Variants in NOTCH2NLC observed in about 807,000 individuals in gnomAD.
The protein encoded by NOTCH2NLC is notch 2 N-terminal like C.
A neutral mutation model predicts 17.7 loss-of-function variants in NOTCH2NLC; 4 were observed. That is an observed-to-expected ratio of 0.23 (90% CI 0.11 to 0.52). The LOEUF (loss-of-function observed/expected upper bound fraction) is 0.52, where lower values mean the gene tolerates loss of function less well. NOTCH2NLC is among the 20% of genes least tolerant of loss of function. The probability of loss-of-function intolerance (pLI) is 0.96; values close to 1 mark genes in which losing one functional copy is unlikely to be tolerated. For synonymous variants in NOTCH2NLC, 18 were observed against 86.0 expected (o/e 0.21, Z 4.38); for missense variants, 57 against 207.2 (o/e 0.28, Z 4.45).
intron 2 of NOTCH2NLC, among the ~76,000 whole-genome samples, chr1:149,450,147 A>G (rs1227259986): frequency 2.7e-5 from 4 of 146,510 alleles, no homozygotes; most frequent in South Asian, 4.3e-4. Context: ...CTAGGAAGGG[A>G]GGCAGAATTT....
chr1:149,435,978 G>A (rs1451746372), intron 2 of NOTCH2NLC, among the ~76,000 whole-genome samples: 16 of 147,818 alleles, frequency 1.1e-4, no homozygotes, highest in African/African-American at 2.5e-5. Flanking sequence ...ATCCCTTCTA[G>A]TTTATGCCTG....
chr1:149,420,034 T>C (rs1447382450), intron 1 of NOTCH2NLC, among the ~76,000 whole-genome samples: 2 of 141,592 alleles, frequency 1.4e-5, no homozygotes, highest in Non-Finnish European at 3.1e-5. Flanking sequence ...GCCCAGCTAA[T>C]TTTTTTTTTG....
In NOTCH2NLC at chr1:149,460,584, G is replaced by A. The variant is rs1232105490; in HGVS notation, c.470-2907G>A. 3.5e-3 allele frequency among the ~76,000 whole-genome samples: 518 copies of A among 149,952 alleles called. 13 individuals are homozygous for A. Among genetic ancestry groups the A allele is most frequent in the African/African-American group, 0.012 (494 of 40,844 alleles). ...GATCGCCTGACCTCATGATCCACCCGCCTTGGCCTCCCAAAGTGCTGGGAT... is the reference window on the plus strand; with the variant it reads ...GATCGCCTGACCTCATGATCCACCCACCTTGGCCTCCCAAAGTGCTGGGAT... On this transcript the variant is annotated intron_variant, in intron 3 of 4. Coordinates refer to ENST00000650865, the MANE Select transcript of NOTCH2NLC (RefSeq NM_001364013.2).
At chr1:149,430,892 AT>A (rs1570910954) in intron 1 of NOTCH2NLC, 49 bp from the exon 2 acceptor site, 1 of 244,956 alleles carries the variant, frequency 4.1e-6, no homozygotes, top group East Asian at 1.0e-4. Flanking sequence ...GAGGGTTATG[AT>A]TAGTGACTTA....
Position 149,470,274 on chromosome 1 carries a change from C to T in NOTCH2NLC, c.*6121C>T, listed in dbSNP as rs1194200650. Among the ~76,000 whole-genome samples, 1 of 150,994 alleles carries T rather than the reference C, an allele frequency of 6.6e-6. No individual in the cohort carries two copies. Among genetic ancestry groups the T allele is most frequent in the Non-Finnish European group, 1.5e-5 (1 of 67,556 alleles). On this transcript the variant is annotated 3_prime_UTR_variant, in exon 5 of 5. Transcript: ENST00000650865. ...TACCACTGACAAATAATAATATTAGCTAATATGTGTAAGGCACTGTGTTTA... is the reference window on the plus strand; with the variant it reads ...TACCACTGACAAATAATAATATTAGTTAATATGTGTAAGGCACTGTGTTTA...
At chr1:149,412,127 A>C (rs1302592966) in intron 1 of NOTCH2NLC, among the ~76,000 whole-genome samples, 4 of 144,848 alleles carry the variant, frequency 2.8e-5, no homozygotes, top group African/African-American at 1.0e-4. Flanking sequence ...AAAAAAAAAA[A>C]AAACAAAAAA....
chr1:149,422,425 G>A (rs1397844967), intron 1 of NOTCH2NLC, among the ~76,000 whole-genome samples: 1 of 149,840 alleles, frequency 6.7e-6, no homozygotes, highest in Non-Finnish European at 1.5e-5. Context: ...AAGTGGGAGA[G>A]AGAGAGATGA....
chr1:149,400,136 TA>T (rs1252505582), intron 1 of NOTCH2NLC, among the ~76,000 whole-genome samples: 1 of 142,302 alleles, frequency 7.0e-6, no homozygotes, highest in South Asian at 2.2e-4. Flanking sequence ...ATATATAATA[TA>T]TATTTTTTTT....
intron 2 of NOTCH2NLC, among the ~76,000 whole-genome samples, chr1:149,437,760 G>C (rs1200007139): frequency 2.6e-5 from 4 of 151,904 alleles, no homozygotes; most frequent in Non-Finnish European, 5.9e-5. Flanking sequence ...ACCACGCCCA[G>C]CTGAGGACAT....
chr1:149,426,620 G>T, intron 1 of NOTCH2NLC, among the ~76,000 whole-genome samples: 1 of 126,840 alleles, frequency 7.9e-6, no homozygotes, highest in African/African-American at 3.0e-5. Context: ...AGGAGGGCCT[G>T]CACAAACAGC....
chr1:149,454,708 T>C (rs1163895472), intron 2 of NOTCH2NLC, among the ~76,000 whole-genome samples: 3 of 151,128 alleles, frequency 2.0e-5, no homozygotes, highest in African/African-American at 7.3e-5. Flanking sequence ...CTCCTTTCCC[T>C]TTTTCTGTTG....
intron 2 of NOTCH2NLC, among the ~76,000 whole-genome samples, chr1:149,451,289 AC>A (rs2084589846): frequency 6.7e-6 from 1 of 148,814 alleles, no homozygotes; most frequent in African/African-American, 2.5e-5. Flanking sequence ...TTTTTAGAAA[AC>A]AGTTTCTAAG....
intron 1 of NOTCH2NLC, among the ~76,000 whole-genome samples, chr1:149,410,446 A>C (rs1249639765): frequency 1.4e-5 from 2 of 145,824 alleles, no homozygotes; most frequent in African/African-American, 5.0e-5. Flanking sequence ...GGTTCTATAG[A>C]AATTACTGGG....
At chr1:149,446,376 A>G (rs1212501524) in intron 2 of NOTCH2NLC, among the ~76,000 whole-genome samples, 1 of 111,796 alleles carries the variant, frequency 8.9e-6, no homozygotes, top group Non-Finnish European at 1.8e-5. Context: ...TTCTAGTTCC[A>G]TTAGGAGGAA....
intron 2 of NOTCH2NLC, among the ~76,000 whole-genome samples, chr1:149,449,066 A>T (rs1236927253): frequency 6.7e-6 from 1 of 148,452 alleles, no homozygotes; most frequent in Non-Finnish European, 1.5e-5. Context: ...TATTTTTAGT[A>T]GAGACAGGGT....
chr1:149,429,015 T>C (rs1334761045), intron 1 of NOTCH2NLC, among the ~76,000 whole-genome samples: 1 of 144,638 alleles, frequency 6.9e-6, no homozygotes, highest in Non-Finnish European at 1.5e-5. Flanking sequence ...TAACCTGACA[T>C]TAACTGTTTT....
intron 1 of NOTCH2NLC, among the ~76,000 whole-genome samples, chr1:149,394,314 G>A (rs1167589739): frequency 4.7e-5 from 7 of 150,080 alleles, no homozygotes; most frequent in Admixed American, 2.0e-4. Flanking sequence ...ACCTTCAGGT[G>A]TGTGTATGAG....
At chr1:149,424,437 T>C (rs2084400116) in intron 1 of NOTCH2NLC, among the ~76,000 whole-genome samples, 1 of 150,614 alleles carries the variant, frequency 6.6e-6, no homozygotes, top group South Asian at 2.1e-4. Context: ...TCTCATTAGA[T>C]TGTAAGGACC....
At chr1:149,460,869 T>G in intron 3 of NOTCH2NLC, among the ~76,000 whole-genome samples, 1 of 45,158 alleles carries the variant, frequency 2.2e-5, no homozygotes, top group South Asian at 7.1e-4. Context: ...CTTTCTTTCT[T>G]TCTTTCTTTC....
Sources: gnomAD v4.1 joint callset for allele counts (sites outside exome capture counted in the v4.1 genomes callset) on GRCh38, gnomAD v4.1.1 for gene constraint, MANE v1.5 for transcripts, NCBI Gene and HGNC (gene_info 2026-07-23, HGNC 2026-07-21) for gene names.